FUZ: variants seen among roughly 807,000 people sequenced by gnomAD.
FUZ encodes protein fuzzy homolog.
A neutral mutation model predicts 43.1 loss-of-function variants in FUZ; 31 were observed. The ratio of observed to expected loss-of-function variants is 0.72; its 90% confidence interval spans 0.54 to 0.97. The LOEUF is 0.97. Ranked by LOEUF, FUZ falls within the 50% of genes least tolerant of loss-of-function variation. The probability of loss-of-function intolerance (pLI) is 0.00; values close to 1 mark genes in which losing one functional copy is unlikely to be tolerated. For missense variants in FUZ, 539 were observed against 543.8 expected (o/e 0.99, Z 0.09); for synonymous variants, 274 against 250.0 (o/e 1.10, Z -0.91).
Position 49,809,500 on chromosome 19 carries a change from C to T in FUZ, c.568G>A (p.Ala190Thr). ...CCCAGCCGCCACCAACCCTCTGTTGCTGCCACCACCCGGCCGGACACCACC... is the reference window on the plus strand; with the variant it reads ...CCCAGCCGCCACCAACCCTCTGTTGTTGCCACCACCCGGCCGGACACCACC... ...SLVVSGRVVA[A>T]TEGWWRLGTP... is the part of the protein sequence containing the mutation. Residue 190 changes from alanine (A) to threonine (T), a missense_variant, in exon 6 of 11, where the codon GCA (alanine) becomes ACA (threonine). Physicochemically the swap from Ala to Thr is moderately conservative, Grantham distance 58. Coordinates refer to ENST00000313777, the MANE Select transcript of FUZ (RefSeq NM_025129.5). The surrounding 1 kb of genome is among the most constrained non-coding windows in gnomAD (Gnocchi z 5.1). The T allele has an allele frequency of 6.3e-7, 1 of 1,593,728 alleles. No homozygotes were observed. Among genetic ancestry groups the T allele is most frequent in the Non-Finnish European group, 8.5e-7 (1 of 1,173,884 alleles).
intron 5 of FUZ, among the ~76,000 whole-genome samples, chr19:49,810,412 T>C (rs1309462331): frequency 1.3e-5 from 2 of 151,008 alleles, no homozygotes; most frequent in East Asian, 1.9e-4. Flanking sequence ...CGGTGGCTCA[T>C]GCCTGTAATC....
chr19:49,812,835 T>C (rs2073856462), intron 1 of FUZ, 99 bp from the exon 2 acceptor site: 1 of 1,511,984 alleles, frequency 6.6e-7, no homozygotes, highest in Non-Finnish European at 9.1e-7. Flanking sequence ...TCTTTCCATA[T>C]GACCTGGCAG....
At chr19:49,812,776 C>T (rs1352725441) in intron 1 of FUZ, 40 bp from the exon 2 acceptor site, 1 of 1,609,564 alleles carries the variant, frequency 6.2e-7, no homozygotes, top group Non-Finnish European at 8.5e-7. Flanking sequence ...AGCACCCCCC[C>T]ATCCCCTTCC....
At chr19:49,808,914 A>G (rs372154235) in intron 7 of FUZ, 91 bp from the exon 8 acceptor site, 46 of 1,041,166 alleles carry the variant, frequency 4.4e-5, no homozygotes, top group East Asian at 3.4e-4. Flanking sequence ...GGCGTGGTCA[A>G]TCGGGAGGGG....
Position 49,811,450 on chromosome 19 carries a change from G to A in FUZ, c.405C>T (p.Ile135=), listed in dbSNP as rs35499921. 1,598 of 1,613,992 alleles carry A rather than the reference G, an allele frequency of 9.9e-4. 19 individuals are homozygous for A. The African/African-American group carries it at 0.02, about 20-fold the overall frequency. ...GCTCCGAGTCCCCCAGGAAGCTGTC[G>A]ATGAGGCAATAACTGGCCTAGGAGA... The part of the protein sequence containing the change: ...KKDLRASYCL[I]DSFLGDSELI... Residue 135 remains isoleucine, a synonymous_variant, in exon 5 of 11, where the codon ATC becomes ATT. Transcript: ENST00000313777.
At chr19:49,807,922 T>A (rs751126314) in intron 10 of FUZ, among the ~76,000 whole-genome samples, 2 of 152,162 alleles carry the variant, frequency 1.3e-5, no homozygotes, top group Non-Finnish European at 2.9e-5. Context: ...TAACCCAGAA[T>A]CTTGTGAAAT....
Position 49,812,293 on chromosome 19 carries a change from C to A in FUZ, c.276G>T (p.Glu92Asp). Reference protein sequence around the residue: ...IVLSSEVGISELRLERLLQMV... With the variant: ...IVLSSEVGISDLRLERLLQMV... ...TTTGGAGTAGTCTCTCCAGCCTCAGCTCAGAGATGCCCACCTCAGATGACA... is the reference window on the plus strand; with the variant it reads ...TTTGGAGTAGTCTCTCCAGCCTCAGATCAGAGATGCCCACCTCAGATGACA... Residue 92 changes from glutamate to aspartate, a missense_variant, in exon 3 of 11, where the codon GAG becomes GAT. Physicochemically the swap from Glu to Asp is conservative, Grantham distance 45 (BLOSUM62 2). Coordinates refer to ENST00000313777, the MANE Select transcript of FUZ (RefSeq NM_025129.5). 1 of 1,614,126 alleles carries A rather than the reference C, an allele frequency of 6.2e-7. No individual in the cohort carries two copies. Among genetic ancestry groups the A allele is most frequent in the Non-Finnish European group, 8.5e-7 (1 of 1,179,998 alleles).
rs374166014 is a variant in FUZ, at chr19:49,809,329, A to T, written c.690+49T>A. ...CCATCGCAGATCCCGCCTCCTCGCG[A>T]CTCGGCCCCCAGGTCACATCCCTCC... On this transcript the variant is annotated intron_variant, in intron 6 of 10. Transcript: ENST00000313777. This position sits in a 1 kb window ranked among gnomAD's most constrained non-coding sequence, Gnocchi z 5.1. 295 of 1,546,874 alleles carry T rather than the reference A, an allele frequency of 1.9e-4. No individual in the cohort carries two copies. The African/African-American group carries it at 2.9e-3, about 15-fold the overall frequency.
chr19:49,812,103 G>C (rs1303249970), intron 3 of FUZ, 148 bp downstream of exon 3: 2 of 719,240 alleles, frequency 2.8e-6, no homozygotes, highest in Admixed American at 2.0e-5. Flanking sequence ...GCGAGACTCC[G>C]TCTCAAAACA....
At chr19:49,811,593 G>T (rs1568608105) in intron 4 of FUZ, 38 bp downstream of exon 4, 5 of 1,603,338 alleles carry the variant, frequency 3.1e-6, no homozygotes, top group Non-Finnish European at 4.3e-6. Context: ...CAGTGCCCAG[G>T]TATCCTAACT....
In FUZ at chr19:49,809,453, G is replaced by T; in HGVS notation, c.615C>A (p.Leu205=). 1 of 1,552,390 alleles carries T rather than the reference G, an allele frequency of 6.4e-7. No individual in the cohort carries two copies. The highest frequency in any genetic ancestry group is 8.7e-7 in the Non-Finnish European group (1 of 1,152,198). Residue 205 remains leucine, a synonymous_variant, in exon 6 of 11, where the codon CTC becomes CTA. Transcript: ENST00000313777. The surrounding 1 kb of genome is among the most constrained non-coding windows in gnomAD (Gnocchi z 5.1). ...GCGGCAGGGACCCCACCAGCCAGGGGAGCAGCACGGCCTCGGGCGTCCCCA... is the reference window on the plus strand; with the variant it reads ...GCGGCAGGGACCCCACCAGCCAGGGTAGCAGCACGGCCTCGGGCGTCCCCA... The part of the protein sequence containing the change: ...WRLGTPEAVL[L]PWLVGSLPPQ...
chr19:49,811,434 C>T lies in FUZ; in HGVS notation c.421G>A (p.Asp141Asn), dbSNP rs756077603. ...SYCLIDSFLGDSELIGDLTQC... is the reference protein window; with the variant it reads ...SYCLIDSFLGNSELIGDLTQC... ...GTCAGGTCCCCGATGAGCTCCGAGT[C>T]CCCCAGGAAGCTGTCGATGAGGCAA... The change falls in exon 5 of 11, where the codon GAC becomes AAC. Residue 141 changes from aspartate (D) to asparagine (N), a missense_variant. Coordinates refer to ENST00000313777, the MANE Select transcript of FUZ (RefSeq NM_025129.5). The T allele has an allele frequency of 5.6e-6, 9 of 1,613,864 alleles. No individual in the cohort carries two copies. In the African/African-American group the frequency reaches 9.3e-5, roughly 17 times the overall value.
rs548555052 is a variant in FUZ at position 49,809,193 on chromosome 19, C to T, written c.756G>A (p.Pro252=). 118 of 1,551,582 alleles carry T rather than the reference C, an allele frequency of 7.6e-5. 1 individual carries two copies. Among genetic ancestry groups the T allele is most frequent in the Middle Eastern group, 1.7e-4 (1 of 5,986 alleles). The change falls in exon 7 of 11, where the codon CCG becomes CCA. Residue 252 remains proline (P), a synonymous_variant. Transcript: ENST00000313777. The surrounding 1 kb of genome is among the most constrained non-coding windows in gnomAD (Gnocchi z 5.1). ...GATACAACTGGCTGAGGGGTGGGCTCGGCCCGCAGAGTAGACACAGCTCCA... is the reference window on the plus strand; with the variant it reads ...GATACAACTGGCTGAGGGGTGGGCTTGGCCCGCAGAGTAGACACAGCTCCA... ...PSLELCLLCG[P]SPPLSQLYPQ...
rs1295651258 is a variant in FUZ at position 49,809,896 on chromosome 19, G to A, written c.493-321C>T. 1 of 452,418 alleles carries A rather than the reference G, an allele frequency of 2.2e-6. No homozygotes were observed. Among genetic ancestry groups the A allele is most frequent in the Non-Finnish European group, 4.1e-6 (1 of 244,754 alleles). The allele number at this position is 452,418 out of a possible 1,614,324, so 28.0% of individuals were successfully genotyped here. Reference sequence around the variant, plus strand: ...CCGAGTAGGCACCATTAGCAACGTAGAGAAGCCAAGTCACCTGCTGAGAGT... The same window carrying A: ...CCGAGTAGGCACCATTAGCAACGTAAAGAAGCCAAGTCACCTGCTGAGAGT... On this transcript the variant is annotated intron_variant, in intron 5 of 10. Coordinates refer to ENST00000313777, the MANE Select transcript of FUZ (RefSeq NM_025129.5). This position sits in a 1 kb window ranked among gnomAD's most constrained non-coding sequence, Gnocchi z 5.1.
At position 49,809,338 on chromosome 19, in the gene FUZ, C is replaced by G. The variant is rs1239032637; in HGVS notation, c.690+40G>C. 5 of 1,546,730 alleles carry G rather than the reference C, an allele frequency of 3.2e-6. No individual in the cohort carries two copies. Among genetic ancestry groups the G allele is most frequent in the Non-Finnish European group, 4.4e-6 (5 of 1,146,726 alleles). ...ATCCCGCCTCCTCGCGACTCGGCCC[C>G]CAGGTCACATCCCTCCGTCGGTGCC... On this transcript the variant is annotated intron_variant, in intron 6 of 10. Coordinates refer to ENST00000313777, the MANE Select transcript of FUZ (RefSeq NM_025129.5). The surrounding 1 kb of genome is among the most constrained non-coding windows in gnomAD (Gnocchi z 5.1).
At chr19:49,811,978 C>T (rs112282973) in intron 3 of FUZ, among the ~76,000 whole-genome samples, 1 of 152,116 alleles carries the variant, frequency 6.6e-6, no homozygotes, top group Non-Finnish European at 1.5e-5. Context: ...CATGGTGGCA[C>T]GTGCCTGTAA....
chr19:49,812,393 T>C (rs1029055439), intron 2 of FUZ, 58 bp from the exon 3 acceptor site: 20 of 1,476,180 alleles, frequency 1.4e-5, no homozygotes, highest in African/African-American at 4.2e-5. Flanking sequence ...AAGGGGTATG[T>C]TGGAGTCCGC....
At chr19:49,811,284 A>G (rs1329752151) in intron 5 of FUZ, 79 bp downstream of exon 5, 2 of 965,446 alleles carry the variant, frequency 2.1e-6, no homozygotes, top group Admixed American at 2.0e-5. Flanking sequence ...GGTTGGGACA[A>G]TGGTCCAGAA....
intron 1 of FUZ, 44 bp from the exon 2 acceptor site, chr19:49,812,780 C>A: frequency 6.2e-7 from 1 of 1,608,336 alleles, no homozygotes; most frequent in Non-Finnish European, 8.5e-7. Flanking sequence ...CCCCCCCATC[C>A]CCTTCCCCCT....
Sources: allele counts gnomAD v4.1 joint callset (sites outside exome capture counted in the v4.1 genomes callset), GRCh38; gene constraint gnomAD v4.1.1; non-coding constraint Gnocchi (gnomAD v3.1); transcripts MANE v1.5; gene names NCBI Gene and HGNC (gene_info 2026-07-23, HGNC 2026-07-21).